PKIB: variants seen among roughly 807,000 people sequenced by gnomAD.
PKIB encodes the protein cAMP-dependent protein kinase inhibitor beta, also known as PKI-beta.
A neutral mutation model predicts 4.5 loss-of-function variants in PKIB; 2 were observed. The ratio of observed to expected loss-of-function variants is 0.44; its 90% CI spans 0.18 to 1.39. The LOEUF is 1.39. Ranked by LOEUF, PKIB falls within the 40% of genes most tolerant of loss-of-function variation. The pLI is 0.27. For synonymous variants in PKIB, 38 were observed against 36.0 expected (o/e 1.06, Z -0.20); for missense variants, 94 against 92.6 (o/e 1.02, Z -0.06).
chr6:122,496,700 G>A (rs1212207079), intron 2 of PKIB, among the ~76,000 whole-genome samples: 1 of 152,032 alleles, frequency 6.6e-6, no homozygotes, highest in African/African-American at 2.4e-5. Flanking sequence ...CAAAAAATGA[G>A]CAAAGTCTCC....
chr6:122,531,512 T>C (rs1777260135), intron 2 of PKIB: 1 of 152,176 alleles, frequency 6.6e-6, no homozygotes, highest in Non-Finnish European at 1.5e-5. Context: ...AACCACTACT[T>C]GTGGACACTT....
chr6:122,720,221 G>A (rs1779683622), intron 4 of PKIB, among the ~76,000 whole-genome samples: 1 of 152,058 alleles, frequency 6.6e-6, no homozygotes, highest in African/African-American at 2.4e-5. Context: ...CTAAGTGGCA[G>A]GAAATCTAGG....
upstream of PKIB, among the ~76,000 whole-genome samples, chr6:122,606,578 G>A (rs7766455): frequency 9.2e-3 from 121 of 13,200 alleles, no homozygotes; most frequent in Middle Eastern, 0.056. Context: ...TCTCAAAAAA[G>A]AAAAAAAAAG....
intron 3 of PKIB, among the ~76,000 whole-genome samples, chr6:122,679,279 T>C (rs572127347): frequency 2.0e-5 from 3 of 152,312 alleles, no homozygotes; most frequent in African/African-American, 7.2e-5. Context: ...GGGTAGTTTA[T>C]TTCAACTGCT....
chr6:122,651,459 G>A (rs1187602029), intron 2 of PKIB, among the ~76,000 whole-genome samples: 1 of 152,154 alleles, frequency 6.6e-6, no homozygotes, highest in Non-Finnish European at 1.5e-5. Context: ...CCTACCTCAG[G>A]AGCAGCCATT....
chr6:122,588,396 A>G (rs1369460761), intron 3 of PKIB, among the ~76,000 whole-genome samples: 1 of 152,076 alleles, frequency 6.6e-6, no homozygotes, highest in Non-Finnish European at 1.5e-5. Context: ...CAAGCTACCA[A>G]TGACTTTCTT....
intron 3 of PKIB, among the ~76,000 whole-genome samples, chr6:122,681,421 A>G (rs1777890990): frequency 6.6e-6 from 1 of 152,218 alleles, no homozygotes; most frequent in Non-Finnish European, 1.5e-5. Flanking sequence ...CATTTCTTTT[A>G]CACCTATAAA....
intron 3 of PKIB, among the ~76,000 whole-genome samples, chr6:122,696,081 G>A (rs1778558661): frequency 6.6e-6 from 1 of 152,100 alleles, no homozygotes; most frequent in Non-Finnish European, 1.5e-5. Context: ...TTCACTGAGG[G>A]ATGATGCACT....
At chr6:122,597,669 G>A (rs928079328) in intron 3 of PKIB, among the ~76,000 whole-genome samples, 1 of 152,192 alleles carries the variant, frequency 6.6e-6, no homozygotes, top group Non-Finnish European at 1.5e-5. Context: ...ATGCAATATT[G>A]CTTTTGATTT....
At chr6:122,494,958 T>C (rs1221871289) in intron 2 of PKIB, among the ~76,000 whole-genome samples, 1 of 152,224 alleles carries the variant, frequency 6.6e-6, no homozygotes, top group Non-Finnish European at 1.5e-5. Context: ...GCACAGGCAC[T>C]GTTTAAGCCC....
chr6:122,516,114 A>G (rs1257590642), intron 2 of PKIB, among the ~76,000 whole-genome samples: 1 of 152,204 alleles, frequency 6.6e-6, no homozygotes, highest in East Asian at 1.9e-4. Context: ...ACTATCATAC[A>G]ATTTAGTGTC....
chr6:122,624,437 T>G (rs1206224641), intron 1 of PKIB, among the ~76,000 whole-genome samples: 5 of 152,194 alleles, frequency 3.3e-5, no homozygotes, highest in African/African-American at 1.2e-4. Context: ...GAAGACATAT[T>G]GTCTTTGATA....
At chr6:122,526,345 G>T (rs1032200519) in intron 2 of PKIB, among the ~76,000 whole-genome samples, 1 of 152,096 alleles carries the variant, frequency 6.6e-6, no homozygotes, top group African/African-American at 2.4e-5. Context: ...ATTCTTTCCA[G>T]AAGGGTTTAA....
intron 2 of PKIB, among the ~76,000 whole-genome samples, chr6:122,515,544 A>G (rs1776721450): frequency 6.6e-6 from 1 of 152,230 alleles, no homozygotes. Context: ...TTGAAGAACA[A>G]AGCATTTATT....
In PKIB at chr6:122,548,341, C is replaced by T. The variant is rs1238871599; in HGVS notation, c.-247-37580C>T. The stretch of plus-strand genomic sequence containing the variant: ...AGTGTATAGACTATCAGCAGCTGAA[C>T]CCCTAATTTCCCGAGCCTTTCTAAA... On this transcript the variant is annotated intron_variant, in intron 2 of 6. Transcript: ENST00000392491. 2.0e-5 allele frequency among the ~76,000 whole-genome samples: 3 copies of T among 152,120 alleles called. No homozygotes were observed. In the East Asian group the frequency reaches 5.8e-4, roughly 29 times the overall value.
chr6:122,597,511 C>T (rs1394117078), intron 3 of PKIB, among the ~76,000 whole-genome samples: 1 of 152,178 alleles, frequency 6.6e-6, no homozygotes, highest in African/African-American at 2.4e-5. Context: ...CTTGGTCAAG[C>T]TTACAATAAT....
intron 2 of PKIB, among the ~76,000 whole-genome samples, chr6:122,573,195 A>G (rs1170165751): frequency 6.6e-6 from 1 of 152,190 alleles, no homozygotes; most frequent in Non-Finnish European, 1.5e-5. Flanking sequence ...ATCTCTGATA[A>G]AAACAGATGC....
At chr6:122,562,007 T>TTTTTTTTTTTTTTTTTTTTTTTTC (rs1773045747) in intron 2 of PKIB, among the ~76,000 whole-genome samples, 1 of 144,082 alleles carries the variant, frequency 6.9e-6, no homozygotes, top group Admixed American at 7.0e-5. Flanking sequence ...TTTTTTTGTT[T>TTTTTTTTTTTTTTTTTTTTTTTTC]TTTTTTTTTT....
intron 1 of PKIB, among the ~76,000 whole-genome samples, chr6:122,627,876 A>T (rs951421199): frequency 6.6e-6 from 1 of 152,038 alleles, no homozygotes; most frequent in African/African-American, 2.4e-5. Context: ...ACATGATTTA[A>T]TTTATAAAAT....
Sources: gnomAD v4.1 joint callset for allele counts (sites outside exome capture counted in the v4.1 genomes callset) on GRCh38, gnomAD v4.1.1 for gene constraint, MANE v1.5 for transcripts, NCBI Gene and HGNC (gene_info 2026-07-23, HGNC 2026-07-21) for gene names.